The following PLD2 variants were observed in gnomAD, a reference collection of about 807,000 sequenced individuals.
PLD2 encodes the protein choline phosphatase 2.
Under a neutral mutation model 119.8 loss-of-function variants are expected in PLD2, and 101 were observed. That is an observed-to-expected ratio of 0.84 (90% CI 0.72 to 0.99). PLD2 has a LOEUF of 0.99. Ranked by LOEUF, PLD2 falls within the 50% of genes least tolerant of loss-of-function variation. The pLI is 0.00. For synonymous variants in PLD2, 494 were observed against 482.8 expected (o/e 1.02, Z -0.30); for missense variants, 1,164 against 1,226.8 (o/e 0.95, Z 0.76).
Position 4,823,041 on chromosome 17 carries a change from A to T in PLD2, c.*177A>T. On this transcript the variant is annotated 3_prime_UTR_variant, in exon 25 of 25. Transcript: ENST00000263088. Reference sequence around the variant, plus strand: ...TACGTGAGAAATAGCTGAAAAGGGCACTCCCAACCCTGGGCTGGGGAGGAG... The same window carrying T: ...TACGTGAGAAATAGCTGAAAAGGGCTCTCCCAACCCTGGGCTGGGGAGGAG... The T allele has an allele frequency of 1.7e-6, 1 of 574,904 alleles. No homozygotes were observed. The highest frequency in any genetic ancestry group is 3.1e-6 in the Non-Finnish European group (1 of 322,544). The allele number at this position is 574,904 out of a possible 1,614,324, so 35.6% of individuals were successfully genotyped here.
Position 4,818,383 on chromosome 17 carries a change from C to T in PLD2, c.2007C>T (p.His669=). Residue 669 remains histidine (H), a splice_region_variant and synonymous_variant, in exon 19 of 25, where the codon CAC becomes CAT. Transcript: ENST00000263088. ...DEIVDRILKA[H]KQGWCYRVYV... is the part of the protein sequence containing the mutation. ...TTGTGGACAGAATCCTGAAGGCCCA[C>T]AAGTAAGGTGGACTGTCAGGAAGGT... 5.6e-6 allele frequency: 9 copies of T among 1,613,924 alleles called. No homozygotes were observed. Among genetic ancestry groups the T allele is most frequent in the Non-Finnish European group, 7.6e-6 (9 of 1,179,840 alleles).
chr17:4,809,484 C>G lies in PLD2; in HGVS notation c.556-9C>G, dbSNP rs745419217. ...GGTGTCTCCTCCGGGCTTTTGTTTTCCTCTGCAGACAGAGTTCCTGGAAGT... is the reference window on the plus strand; with the variant it reads ...GGTGTCTCCTCCGGGCTTTTGTTTTGCTCTGCAGACAGAGTTCCTGGAAGT... On this transcript the variant is annotated splice_polypyrimidine_tract_variant and intron_variant, in intron 6 of 24. Coordinates refer to ENST00000263088, the MANE Select transcript of PLD2 (RefSeq NM_002663.5). 6.2e-7 allele frequency: 1 copy of G among 1,607,334 alleles called. No individual in the cohort carries two copies. Among genetic ancestry groups the G allele is most frequent in the South Asian group, 1.1e-5 (1 of 90,530 alleles).
In PLD2 at chr17:4,819,283, A is replaced by G. The variant is rs1907389658; in HGVS notation, c.2308+65A>G. 3.1e-6 allele frequency: 5 copies of G among 1,603,628 alleles called. No homozygotes were observed. The highest frequency in any genetic ancestry group is 4.3e-6 in the Non-Finnish European group (5 of 1,173,598). On this transcript the variant is annotated intron_variant, in intron 22 of 24. Coordinates refer to ENST00000263088, the MANE Select transcript of PLD2 (RefSeq NM_002663.5). This position sits in a 1 kb window ranked among gnomAD's most constrained non-coding sequence, Gnocchi z 4.2. ...GGGGACAGGCGAAGAGATGAGAGGCAGGATGACAGAGACTGCAGCTGAGGC... is the reference window on the plus strand; with the variant it reads ...GGGGACAGGCGAAGAGATGAGAGGCGGGATGACAGAGACTGCAGCTGAGGC...
At position 4,822,696 on chromosome 17, in the gene PLD2, CG is replaced by C; in HGVS notation, c.2635del (p.Val879TrpfsTer33). 1.2e-6 allele frequency: 2 copies of C among 1,614,098 alleles called. No individual in the cohort carries two copies. On this transcript the variant is annotated frameshift_variant, in exon 25 of 25. Coordinates refer to ENST00000263088, the MANE Select transcript of PLD2 (RefSeq NM_002663.5). LOFTEE classifies it high-confidence loss of function. ...GTTCCCTGCGGACTCTCCGGGAGTA[CG>C]TGGCCGTGGAGCCCTTGGCCACGGT... is the stretch of plus-strand genomic sequence containing the variant. ...TRSLRTLREY[V>X]AVEPLATVSP... is the part of the protein sequence containing the mutation.
rs117447467 is a variant in PLD2, at chr17:4,814,390, T to C, written c.1011-28T>C. 37 of 1,593,134 alleles carry C rather than the reference T, an allele frequency of 2.3e-5. No individual in the cohort carries two copies. The East Asian group carries it at 7.2e-4, about 31-fold the overall frequency. On this transcript the variant is annotated intron_variant, in intron 10 of 24. Coordinates refer to ENST00000263088, the MANE Select transcript of PLD2 (RefSeq NM_002663.5). ...AGAGCTTTCTGGCTTCTGACTCCCC[T>C]GACCTCCTTGGCTTGGCCTCCCCCC...
Position 4,819,314 on chromosome 17 carries a change from T to C in PLD2, c.2308+96T>C. 6.3e-7 allele frequency: 1 copy of C among 1,592,480 alleles called. No homozygotes were observed. The highest frequency in any genetic ancestry group is 1.3e-5 in the African/African-American group (1 of 74,554). ...ACAGAGACTGCAGCTGAGGCTCGTG[T>C]AGGGGTGGAGGGTCCAAGAAGGAAT... On this transcript the variant is annotated intron_variant, in intron 22 of 24. Transcript: ENST00000263088. The surrounding 1 kb of genome is among the most constrained non-coding windows in gnomAD (Gnocchi z 4.2).
chr17:4,818,129 G>A lies in PLD2; in HGVS notation c.1920+23G>A, dbSNP rs1907224535. 2.6e-6 allele frequency: 4 copies of A among 1,566,430 alleles called. No homozygotes were observed. In the East Asian group the frequency reaches 6.7e-5, roughly 26 times the overall value. On this transcript the variant is annotated intron_variant, in intron 18 of 24. Coordinates refer to ENST00000263088, the MANE Select transcript of PLD2 (RefSeq NM_002663.5). ...GAGGTCTGACTGGGAGGAGGTGGGG[G>A]AGAGCATGGAAGGGGTGTCCCAGGA...
intron 23 of PLD2, among the ~76,000 whole-genome samples, chr17:4,820,207 G>C (rs1907506002): frequency 6.6e-6 from 1 of 151,538 alleles, no homozygotes; most frequent in South Asian, 2.1e-4. Context: ...GCATTCCAAA[G>C]TGCTGGGATT....
Position 4,813,715 on chromosome 17 carries a change from C to T in PLD2, c.1011-703C>T, listed in dbSNP as rs578082141. Among the ~76,000 whole-genome samples the T allele has an allele frequency of 2.0e-5, 3 of 152,090 alleles. No individual in the cohort carries two copies. In the South Asian group the frequency reaches 6.2e-4, roughly 31 times the overall value. ...CTCTACTAAAAATACAAAAATTAGC[C>T]AGGCGTGGTGGCGGGCGCCTGTAAT... On this transcript the variant is annotated intron_variant, in intron 10 of 24. Transcript: ENST00000263088.
At chr17:4,818,723 T>A (rs1597335297) in intron 20 of PLD2, 51 bp from the exon 21 acceptor site, 1 of 1,604,984 alleles carries the variant, frequency 6.2e-7, no homozygotes, top group Non-Finnish European at 8.5e-7. Flanking sequence ...TCTCCTGACC[T>A]CCCCTCCCCT....
chr17:4,813,928 G>A (rs1906713357), intron 10 of PLD2, among the ~76,000 whole-genome samples: 1 of 152,164 alleles, frequency 6.6e-6, no homozygotes, highest in Non-Finnish European at 1.5e-5. Context: ...CATAGTCTAT[G>A]AGAATACCCA....
In PLD2 at chr17:4,819,002, A is replaced by G; in HGVS notation, c.2174-82A>G. 1 of 1,573,784 alleles carries G rather than the reference A, an allele frequency of 6.4e-7. No homozygotes were observed. The highest frequency in any genetic ancestry group is 8.7e-7 in the Non-Finnish European group (1 of 1,153,656). ...GAGAGACCAGACTCTATGTAGGAAGAGTTTCTGGAGTGAGAGGAGGTGGGA... is the reference window on the plus strand; with the variant it reads ...GAGAGACCAGACTCTATGTAGGAAGGGTTTCTGGAGTGAGAGGAGGTGGGA... On this transcript the variant is annotated intron_variant, in intron 21 of 24. Coordinates refer to ENST00000263088, the MANE Select transcript of PLD2 (RefSeq NM_002663.5). This position sits in a 1 kb window ranked among gnomAD's most constrained non-coding sequence, Gnocchi z 4.2.
chr17:4,811,567 C>T (rs142650721), intron 10 of PLD2, among the ~76,000 whole-genome samples: 43 of 152,228 alleles, frequency 2.8e-4, no homozygotes, highest in African/African-American at 8.4e-4. Flanking sequence ...CGTGAGCCAC[C>T]GTGCCCAGCC....
Position 4,819,099 on chromosome 17 carries a change from G to C in PLD2, c.2189G>C (p.Arg730Pro). The change falls in exon 22 of 25, where the codon CGG becomes CCG. Residue 730 changes from arginine to proline, a missense_variant. Physicochemically the swap from Arg to Pro is moderately radical, Grantham distance 103. Transcript: ENST00000263088. The surrounding 1 kb of genome is among the most constrained non-coding windows in gnomAD (Gnocchi z 4.2). The stretch of plus-strand genomic sequence containing the variant: ...TGTCACGCAGTGGGGACAGCATGGC[G>C]GGACTATATTTCCATCTGCGGGCTT... ...RLKAAMGTAW[R>P]DYISICGLRT... 2 of 1,614,194 alleles carry C rather than the reference G, an allele frequency of 1.2e-6. No individual in the cohort carries two copies. Among genetic ancestry groups the C allele is most frequent in the East Asian group, 2.2e-5 (1 of 44,892 alleles).
At chr17:4,817,087 A>C (rs748024206) in intron 16 of PLD2, 32 bp downstream of exon 16, 8 of 1,607,112 alleles carry the variant, frequency 5.0e-6, no homozygotes, top group Non-Finnish European at 6.8e-6. Context: ...GGCTGGAGGT[A>C]GGGAGGGAGC....
chr17:4,818,633 C>G, intron 20 of PLD2, 26 bp downstream of exon 20: 1 of 1,574,552 alleles, frequency 6.4e-7, no homozygotes, highest in Non-Finnish European at 8.7e-7. Flanking sequence ...GACTCCAGCT[C>G]TCAGTGGCCC....
Position 4,816,979 on chromosome 17 carries a change from A to T in PLD2, c.1625A>T (p.Asp542Val). The T allele has an allele frequency of 6.2e-7, 1 of 1,614,010 alleles. No homozygotes were observed. Among genetic ancestry groups the T allele is most frequent in the South Asian group, 1.1e-5 (1 of 91,072 alleles). ...ACGACCCCTCGGATGCCATGGCGGG[A>T]CGTTGGGGTGGTCGTCCATGGCCTA... ...RETTPRMPWR[D>V]VGVVVHGLPA... The change falls in exon 16 of 25, where the codon GAC becomes GTC. Residue 542 changes from aspartate to valine, a missense_variant. Transcript: ENST00000263088.
At chr17:4,818,419 G>T (rs200142663) in intron 19 of PLD2, 34 bp downstream of exon 19, 7 of 1,610,670 alleles carry the variant, frequency 4.3e-6, no homozygotes, top group Non-Finnish European at 5.9e-6. Flanking sequence ...GGGGACTGTG[G>T]GTGTGGTTTG....
intron 24 of PLD2, among the ~76,000 whole-genome samples, chr17:4,822,308 G>A (rs1907761710): frequency 6.6e-6 from 1 of 151,798 alleles, no homozygotes; most frequent in African/African-American, 2.4e-5. Context: ...GGCAACAAGA[G>A]CAAAACTCTG....
Sources: allele counts gnomAD v4.1 joint callset (sites outside exome capture counted in the v4.1 genomes callset), GRCh38; gene constraint gnomAD v4.1.1; non-coding constraint Gnocchi (gnomAD v3.1); transcripts MANE v1.5; gene names NCBI Gene and HGNC (gene_info 2026-07-23, HGNC 2026-07-21).